The following MYO9A variants were observed in gnomAD, a reference collection of about 807,000 sequenced individuals.
MYO9A encodes unconventional myosin-IXa.
A neutral mutation model predicts 293.3 loss-of-function variants in MYO9A; 103 were observed. The ratio of observed to expected loss-of-function variants is 0.35; its 90% CI spans 0.30 to 0.41. MYO9A has a LOEUF of 0.41. Among genes scored for constraint, MYO9A ranks in the 10% least tolerant of loss-of-function variants. The pLI, the probability that MYO9A is intolerant of heterozygous loss-of-function variation, is 1.00. For synonymous variants in MYO9A, 1,001 were observed against 1,035.7 expected, an observed-to-expected ratio of 0.97 and a Z score of 0.64; for missense variants, 2,685 against 3,033.0, an observed-to-expected ratio of 0.89 and a Z score of 2.69.
chr15:72,104,048 A>G (rs1467863777), intron 1 of MYO9A, among the ~76,000 whole-genome samples: 3 of 152,252 alleles, frequency 2.0e-5, no homozygotes. Flanking sequence ...ACTTTAGCAC[A>G]GTGCAAAATC....
chr15:71,975,812 T>C (rs1474822385), intron 12 of MYO9A, among the ~76,000 whole-genome samples: 9 of 152,164 alleles, frequency 5.9e-5, no homozygotes, highest in Admixed American at 2.6e-4. Context: ...TTCTACACAG[T>C]TGTCAGTAAT....
intron 23 of MYO9A, 93 bp from the exon 24 acceptor site, chr15:71,900,099 T>TA (rs1273631682): frequency 7.8e-6 from 10 of 1,281,944 alleles, no homozygotes; most frequent in Non-Finnish European, 8.4e-6. Context: ...ATGTCATAAT[T>TA]ACAGGTTAAG....
chr15:71,844,615 T>G (rs571196370), intron 39 of MYO9A, among the ~76,000 whole-genome samples: 1 of 152,168 alleles, frequency 6.6e-6, no homozygotes, highest in Non-Finnish European at 1.5e-5. Flanking sequence ...TGGAAACAAA[T>G]AGAAGATACT....
intron 33 of MYO9A, among the ~76,000 whole-genome samples, chr15:71,860,969 CAAAA>C (rs61030744): frequency 2.8e-4 from 9 of 32,422 alleles, no homozygotes; most frequent in East Asian, 1.0e-3. Flanking sequence ...TCCATCTCAC[CAAAA>C]AAAAAAAAAA....
intron 7 of MYO9A, among the ~76,000 whole-genome samples, chr15:72,008,686 T>C (rs981298848): frequency 6.6e-6 from 1 of 152,136 alleles, no homozygotes; most frequent in Non-Finnish European, 1.5e-5. Context: ...TCAGGAACCT[T>C]AGGTTACCAA....
chr15:72,048,930 G>A (rs549106723), intron 1 of MYO9A, among the ~76,000 whole-genome samples: 46 of 151,674 alleles, frequency 3.0e-4, no homozygotes, highest in African/African-American at 1.0e-3. Flanking sequence ...TCTTTTTTCC[G>A]CCGATTTACA....
At chr15:71,855,221 C>A (rs1429164932) in intron 34 of MYO9A, among the ~76,000 whole-genome samples, 3 of 152,278 alleles carry the variant, frequency 2.0e-5, no homozygotes, top group East Asian at 3.9e-4. Flanking sequence ...CTGCAACCTC[C>A]ACCTCCCAGG....
At chr15:72,025,217 T>C (rs1314883533) in intron 4 of MYO9A, among the ~76,000 whole-genome samples, 3 of 151,786 alleles carry the variant, frequency 2.0e-5, no homozygotes, top group Non-Finnish European at 2.9e-5. Flanking sequence ...ATTACTAATA[T>C]CAGGTAAAAT....
At chr15:71,983,383 A>C (rs2076323019) in intron 11 of MYO9A, among the ~76,000 whole-genome samples, 1 of 150,980 alleles carries the variant, frequency 6.6e-6, no homozygotes, top group Admixed American at 6.6e-5. Flanking sequence ...AGTATCTTAA[A>C]TTCTATTTAC....
At chr15:72,080,662 G>T (rs1021104687) in intron 1 of MYO9A, among the ~76,000 whole-genome samples, 1 of 151,826 alleles carries the variant, frequency 6.6e-6, no homozygotes, top group African/African-American at 2.4e-5. Flanking sequence ...TTCTTATAAA[G>T]GTTAACTCAC....
intron 1 of MYO9A, among the ~76,000 whole-genome samples, chr15:72,076,330 G>A (rs1320267550): frequency 1.3e-5 from 2 of 150,208 alleles, no homozygotes; most frequent in Admixed American, 6.6e-5. Context: ...AACCTTATTA[G>A]TCTCAGATAA....
chr15:71,931,640 T>C (rs1328277502), intron 18 of MYO9A, among the ~76,000 whole-genome samples: 2 of 152,200 alleles, frequency 1.3e-5, no homozygotes, highest in African/African-American at 2.4e-5. Flanking sequence ...TTCCCCAGGC[T>C]TGAGTAGTTT....
intron 16 of MYO9A, 133 bp downstream of exon 16, chr15:71,938,719 T>G: frequency 1.4e-6 from 1 of 696,800 alleles, no homozygotes; most frequent in Non-Finnish European, 2.3e-6. Flanking sequence ...TTACATCACT[T>G]ATAAAGGATT....
At chr15:71,854,946 T>C (rs1170812687) in intron 34 of MYO9A, among the ~76,000 whole-genome samples, 3 of 152,130 alleles carry the variant, frequency 2.0e-5, no homozygotes, top group Non-Finnish European at 2.9e-5. Context: ...TGATAAGAAT[T>C]AGAGTTGTCA....
intron 39 of MYO9A, among the ~76,000 whole-genome samples, chr15:71,833,759 T>C (rs992162787): frequency 6.6e-6 from 1 of 152,076 alleles, no homozygotes; most frequent in African/African-American, 2.4e-5. Flanking sequence ...AATTCTTGTA[T>C]ACTCAGAAAT....
intron 1 of MYO9A, among the ~76,000 whole-genome samples, chr15:72,068,262 TC>T (rs1392794839): frequency 6.6e-6 from 1 of 152,164 alleles, no homozygotes; most frequent in Non-Finnish European, 1.5e-5. Context: ...GCAGTACTTC[TC>T]TGAAATTCTG....
chr15:71,885,398 G>GA (rs2056989725), intron 27 of MYO9A, among the ~76,000 whole-genome samples: 1 of 151,950 alleles, frequency 6.6e-6, no homozygotes, highest in African/African-American at 2.4e-5. Flanking sequence ...AAAACTGTTT[G>GA]ATTTTTCATT....
chr15:72,109,706 T>C (rs1449792220), intron 1 of MYO9A, among the ~76,000 whole-genome samples: 1 of 151,952 alleles, frequency 6.6e-6, no homozygotes, highest in Admixed American at 6.6e-5. Flanking sequence ...CTGGCCAATA[T>C]GGTGAAACCC....
intron 1 of MYO9A, among the ~76,000 whole-genome samples, chr15:72,091,123 C>A (rs1178258935): frequency 6.6e-6 from 1 of 151,742 alleles, no homozygotes; most frequent in Non-Finnish European, 1.5e-5. Flanking sequence ...CACTGGACCC[C>A]AGGAGTTCAA....
Sources: gnomAD v4.1 joint callset for allele counts (sites outside exome capture counted in the v4.1 genomes callset) on GRCh38, gnomAD v4.1.1 for gene constraint, MANE v1.5 for transcripts, NCBI Gene and HGNC (gene_info 2026-07-23, HGNC 2026-07-21) for gene names.